LHFPL6: variants seen among roughly 807,000 people sequenced by gnomAD.
LHFPL6 encodes the protein LHFPL tetraspan subfamily member 6 protein.
LHFPL6 carries 9 observed loss-of-function variants against 20.6 expected under a neutral mutation model. That is an observed-to-expected ratio of 0.44 (90% confidence interval 0.26 to 0.76). The LOEUF is 0.76. Among genes scored for constraint, LHFPL6 ranks in the 30% least tolerant of loss-of-function variants. The pLI, the probability that LHFPL6 is intolerant of heterozygous loss-of-function variation, is 0.20. For missense variants in LHFPL6, 218 were observed against 253.5 expected (o/e 0.86, Z 0.95); for synonymous variants, 105 against 98.7 (o/e 1.06, Z -0.38).
chr13:39,487,659 C>T (rs958316806), intron 2 of LHFPL6, among the ~76,000 whole-genome samples: 4 of 152,182 alleles, frequency 2.6e-5, no homozygotes, highest in African/African-American at 9.6e-5. Flanking sequence ...AGACTTTGCA[C>T]GATACAGTGC....
intron 2 of LHFPL6, among the ~76,000 whole-genome samples, chr13:39,540,655 A>C (rs1306619890): frequency 6.6e-6 from 1 of 152,172 alleles, no homozygotes; most frequent in Non-Finnish European, 1.5e-5. Flanking sequence ...TAATATTATA[A>C]TTATAAAATA....
chr13:39,534,189 C>CT (rs1165227620), intron 2 of LHFPL6, among the ~76,000 whole-genome samples: 1 of 152,132 alleles, frequency 6.6e-6, no homozygotes, highest in Non-Finnish European at 1.5e-5. Context: ...TATAAATTTA[C>CT]TTTTTTGTTT....
At chr13:39,359,072 G>A (rs1454245077) in intron 3 of LHFPL6, among the ~76,000 whole-genome samples, 2 of 152,110 alleles carry the variant, frequency 1.3e-5, no homozygotes, top group Non-Finnish European at 2.9e-5. Context: ...TGAGGCAGGA[G>A]AATCACTTGA....
intron 2 of LHFPL6, among the ~76,000 whole-genome samples, chr13:39,494,576 A>G (rs1188694455): frequency 6.6e-6 from 1 of 152,140 alleles, no homozygotes; most frequent in Non-Finnish European, 1.5e-5. Flanking sequence ...ATCAGGTTGG[A>G]GTTTATATCC....
chr13:39,369,604 TCTCTCCCTC>T (rs1184141061), intron 3 of LHFPL6, among the ~76,000 whole-genome samples: 28 of 105,346 alleles, frequency 2.7e-4, no homozygotes, highest in African/African-American at 4.1e-4. Flanking sequence ...CCTTCCTCCC[TCTCTCCCTC>T]CCTTCCTTCC....
chr13:39,401,330 T>C (rs974108008), intron 2 of LHFPL6, among the ~76,000 whole-genome samples: 5 of 152,242 alleles, frequency 3.3e-5, no homozygotes, highest in African/African-American at 9.6e-5. Context: ...TCTCTGTCTC[T>C]CTCCTTTAAA....
At chr13:39,426,481 A>C (rs930716466) in intron 2 of LHFPL6, among the ~76,000 whole-genome samples, 1 of 152,048 alleles carries the variant, frequency 6.6e-6, no homozygotes. Flanking sequence ...CGGCCTTCCA[A>C]AGTGCGGGGA....
At chr13:39,554,749 C>G (rs1871250159) in intron 2 of LHFPL6, among the ~76,000 whole-genome samples, 1 of 152,354 alleles carries the variant, frequency 6.6e-6, no homozygotes, top group East Asian at 1.9e-4. Context: ...CCATTCACAT[C>G]CCCATCTACT....
At chr13:39,580,341 C>T (rs2138538533) in intron 2 of LHFPL6, among the ~76,000 whole-genome samples, 1 of 152,018 alleles carries the variant, frequency 6.6e-6, no homozygotes, top group East Asian at 1.9e-4. Flanking sequence ...CATGGCATCT[C>T]AAATTATGAT....
chr13:39,373,973 T>A (rs887662221), intron 3 of LHFPL6, among the ~76,000 whole-genome samples: 2 of 152,158 alleles, frequency 1.3e-5, no homozygotes, highest in East Asian at 1.9e-4. Flanking sequence ...TGGAGATTTC[T>A]CAAAGAACTT....
intron 2 of LHFPL6, among the ~76,000 whole-genome samples, chr13:39,420,543 C>A (rs1036020346): frequency 6.6e-6 from 1 of 152,152 alleles, no homozygotes; most frequent in Admixed American, 6.5e-5. Context: ...AGACTCCCTT[C>A]CAGAACTGAT....
chr13:39,458,138 T>C (rs1365739990), intron 2 of LHFPL6, among the ~76,000 whole-genome samples: 2 of 152,156 alleles, frequency 1.3e-5, no homozygotes, highest in African/African-American at 4.8e-5. Flanking sequence ...CAATGACAGT[T>C]TGCCTTTAGT....
At chr13:39,416,006 G>A (rs1025827077) in intron 2 of LHFPL6, among the ~76,000 whole-genome samples, 2 of 152,198 alleles carry the variant, frequency 1.3e-5, no homozygotes, top group African/African-American at 4.8e-5. Context: ...AGTGTATAAT[G>A]ACAGAATGGA....
At position 39,366,596 on chromosome 13, in the gene LHFPL6, A is replaced by G. The variant is rs145295822; in HGVS notation, c.484+11832T>C. Among the ~76,000 whole-genome samples, 754 of 152,312 alleles carry G rather than the reference A, an allele frequency of 5.0e-3. 9 individuals carry two copies. The highest frequency in any genetic ancestry group is 0.017 in the African/African-American group (708 of 41,558). ...CTGTGAAGGTTTGATATTTTACTCT[A>G]TTTGCAATGTAACAAGTTATACTAT... On this transcript the variant is annotated intron_variant, in intron 3 of 3. Coordinates refer to ENST00000379589, the MANE Select transcript of LHFPL6 (RefSeq NM_005780.3).
At chr13:39,401,539 C>T (rs769974386) in intron 2 of LHFPL6, among the ~76,000 whole-genome samples, 1 of 152,166 alleles carries the variant, frequency 6.6e-6, no homozygotes. Flanking sequence ...GGCACTGAAG[C>T]AGAAAGATAA....
intron 2 of LHFPL6, among the ~76,000 whole-genome samples, chr13:39,384,295 T>C (rs529712805): frequency 6.6e-6 from 1 of 152,306 alleles, no homozygotes; most frequent in East Asian, 1.9e-4. Flanking sequence ...TGGTCTCTCG[T>C]TAGGAAATGT....
chr13:39,486,065 C>T (rs988057035), intron 2 of LHFPL6, among the ~76,000 whole-genome samples: 1 of 152,100 alleles, frequency 6.6e-6, no homozygotes, highest in African/African-American at 2.4e-5. Flanking sequence ...CAGTAAGGGT[C>T]GAACCTAAGA....
intron 2 of LHFPL6, among the ~76,000 whole-genome samples, chr13:39,400,837 A>AT (rs1310289685): frequency 6.6e-6 from 1 of 150,456 alleles, no homozygotes; most frequent in Non-Finnish European, 1.5e-5. Context: ...ATACTCTTAT[A>AT]TATCTTCCCA....
chr13:39,597,490 T>C (rs1260584842), intron 2 of LHFPL6, among the ~76,000 whole-genome samples: 1 of 152,214 alleles, frequency 6.6e-6, no homozygotes, highest in Non-Finnish European at 1.5e-5. Context: ...ATCAAAAACA[T>C]TAAAGCCTCT....
Sources: gnomAD v4.1 joint callset for allele counts (sites outside exome capture counted in the v4.1 genomes callset) on GRCh38, gnomAD v4.1.1 for gene constraint, MANE v1.5 for transcripts, NCBI Gene and HGNC (gene_info 2026-07-23, HGNC 2026-07-21) for gene names.